The following NLRP9 variants were observed in gnomAD, a reference collection of about 807,000 sequenced individuals.
NLRP9 encodes the protein NACHT, LRR and PYD domains-containing protein 9.
NLRP9 carries 88 observed loss-of-function variants against 83.1 expected under a neutral mutation model. The observed-to-expected ratio is 1.06, with a 90% confidence interval of 0.89 to 1.26. The LOEUF is 1.26. NLRP9 is among the 50% of genes most tolerant of loss of function. NLRP9 has a pLI of 0.00. For missense variants in NLRP9, 1,308 were observed against 1,179.3 expected (o/e 1.11, Z -1.60); for synonymous variants, 521 against 447.6 (o/e 1.16, Z -2.07).
At chr19:55,726,396 T>C (rs534892919) in intron 3 of NLRP9, among the ~76,000 whole-genome samples, 1 of 152,272 alleles carries the variant, frequency 6.6e-6, no homozygotes, top group South Asian at 2.1e-4. Flanking sequence ...CATAAAATGA[T>C]AAAAAATGCA....
rs572480586 is a variant in NLRP9, at chr19:55,735,911, C to A, written c.280+2184G>T. Among the ~76,000 whole-genome samples, 125 of 152,094 alleles carry A rather than the reference C, an allele frequency of 8.2e-4. 1 individual carries two copies. Among genetic ancestry groups the A allele is most frequent in the African/African-American group, 2.7e-3 (112 of 41,536 alleles). On this transcript the variant is annotated intron_variant, in intron 1 of 8. Transcript: ENST00000332836. ...CCATGTTGGCCAGGCTGGTCTCGAA[C>A]TCCTGACCTTAGGTGATCCGCCCAC...
In NLRP9 at chr19:55,738,156, C is replaced by A; in HGVS notation, c.219G>T (p.Leu73=). ...TCCTATTGATCTGTAGAAACAGGTT[C>A]AGTGTTACCTCCCATGCCTGCTTTC... ...YPGKQAWEVT[L]NLFLQINRKD... is the part of the protein sequence containing the mutation. The change falls in exon 1 of 9, where the codon CTG becomes CTT. Residue 73 remains leucine, a synonymous_variant. Transcript: ENST00000332836. 15 of 1,614,130 alleles carry A rather than the reference C, an allele frequency of 9.3e-6. No individual in the cohort carries two copies. The highest frequency in any genetic ancestry group is 1.2e-5 in the Non-Finnish European group (14 of 1,179,998).
intron 1 of NLRP9, among the ~76,000 whole-genome samples, chr19:55,734,792 G>A (rs139633746): frequency 0.017 from 2,548 of 151,760 alleles, 58 homozygotes; most frequent in East Asian, 0.15. Flanking sequence ...CTGCCACCAC[G>A]CCCAGCTAAT....
At chr19:55,717,029 T>G in intron 4 of NLRP9, 131 bp from the exon 5 acceptor site, 1 of 601,084 alleles carries the variant, frequency 1.7e-6, no homozygotes, top group Non-Finnish European at 2.8e-6. Flanking sequence ...TACAGACTCT[T>G]TTTCTTTTTT....
chr19:55,712,303 A>ATCGT lies in NLRP9; in HGVS notation c.2672+113_2672+116dup. ...CCTGGGGCAGCATTTTACATATCAG[A>ATCGT]TCGTCCCAGAGGGACTTGCTTTTAA... On this transcript the variant is annotated intron_variant, in intron 7 of 8. Coordinates refer to ENST00000332836, the MANE Select transcript of NLRP9 (RefSeq NM_176820.4). 4.7e-6 allele frequency: 4 copies of ATCGT among 845,180 alleles called. No homozygotes were observed. In the South Asian group the frequency reaches 6.8e-5, roughly 14 times the overall value. The allele number at this position is 845,180 out of a possible 1,614,324, so 52.4% of individuals were successfully genotyped here. A position where few individuals can be genotyped will look rare whatever the true frequency, so the allele number is the denominator to read the frequency against.
Position 55,733,501 on chromosome 19 carries a change from T to C in NLRP9, c.330A>G (p.Ile110Met), listed in dbSNP as rs1288136962. 2 of 1,610,924 alleles carry C rather than the reference T, an allele frequency of 1.2e-6. No individual in the cohort carries two copies. Among genetic ancestry groups the C allele is most frequent in the East Asian group, 4.5e-5 (2 of 44,890 alleles). ...CGTGAAGACAGGTTTCCTTCTCCCA[T>C]ATGAGTTGAAATGTTTCCTTCATAT... ...RKHMKETFQL[I>M]WEKETCLHVP... Residue 110 changes from isoleucine to methionine, a missense_variant, in exon 2 of 9, where the codon ATA becomes ATG. Ile to Met is a conservative substitution (Grantham distance 10). Transcript: ENST00000332836.
At chr19:55,727,562 C>A (rs967141481) in intron 3 of NLRP9, among the ~76,000 whole-genome samples, 1 of 152,188 alleles carries the variant, frequency 6.6e-6, no homozygotes, top group Non-Finnish European at 1.5e-5. Context: ...AATTCAGATA[C>A]TGCTTATGCG....
In NLRP9 at chr19:55,731,819, A is replaced by G. The variant is rs189310341; in HGVS notation, c.1832+180T>C. Among the ~76,000 whole-genome samples, 6 of 152,294 alleles carry G rather than the reference A, an allele frequency of 3.9e-5. No homozygotes were observed. The East Asian group carries it at 9.6e-4, about 24-fold the overall frequency. ...TTTTATTTCTCTTTATACAATGGAA[A>G]AAGTTCAAGAAGTTGCAGCTCATGA... On this transcript the variant is annotated intron_variant, in intron 2 of 8. Coordinates refer to ENST00000332836, the MANE Select transcript of NLRP9 (RefSeq NM_176820.4).
At chr19:55,736,408 T>C (rs1988786749) in intron 1 of NLRP9, among the ~76,000 whole-genome samples, 1 of 150,878 alleles carries the variant, frequency 6.6e-6, no homozygotes, top group Admixed American at 6.6e-5. Context: ...AAAAAAGTCA[T>C]GTCATGTCTT....
intron 6 of NLRP9, among the ~76,000 whole-genome samples, chr19:55,714,025 C>T (rs1042236948): frequency 2.0e-5 from 3 of 148,768 alleles, no homozygotes; most frequent in Non-Finnish European, 4.5e-5. Flanking sequence ...ATCTAGGATG[C>T]AGACACATCC....
intron 4 of NLRP9, among the ~76,000 whole-genome samples, chr19:55,720,063 CA>C (rs1471325049): frequency 1.3e-5 from 2 of 152,126 alleles, no homozygotes; most frequent in Non-Finnish European, 2.9e-5. Context: ...AAAAAATCTA[CA>C]AAAATAAAAT....
rs1416150290 is a variant in NLRP9, at chr19:55,738,117, T to C, written c.258A>G (p.Thr86=). ...FLQINRKDLW[T]KAQEEMRNKL... ...TACTTCTCATCTCTTCCTGAGCCTT[T>C]GTCCAGAGATCTTTCCTATTGATCT... is the stretch of plus-strand genomic sequence containing the variant. Residue 86 remains threonine (T), a synonymous_variant, in exon 1 of 9, where the codon ACA becomes ACG. Transcript: ENST00000332836. The C allele has an allele frequency of 6.2e-7, 1 of 1,614,086 alleles. No homozygotes were observed. Among genetic ancestry groups the C allele is most frequent in the Admixed American group, 1.7e-5 (1 of 60,000 alleles).
intron 1 of NLRP9, among the ~76,000 whole-genome samples, chr19:55,734,637 ATTTT>A (rs201490500): frequency 0.031 from 3,274 of 106,954 alleles, 76 homozygotes; most frequent in African/African-American, 0.067. Flanking sequence ...ATATATATAT[ATTTT>A]TTTTTTTTTT....
In NLRP9 at chr19:55,732,709, A is replaced by G; in HGVS notation, c.1122T>C (p.Thr374=). Residue 374 remains threonine (T), a synonymous_variant, in exon 2 of 9, where the codon ACT becomes ACC. Coordinates refer to ENST00000332836, the MANE Select transcript of NLRP9 (RefSeq NM_176820.4). The part of the protein sequence containing the change: ...TTYLYASFLT[T]VFKAGSQSFP... ...AACTCTGACTTCCTGCTTTGAATAC[A>G]GTTGTTAAAAAGGATGCATATAAAT... 6.2e-7 allele frequency: 1 copy of G among 1,614,156 alleles called. No individual in the cohort carries two copies. Among genetic ancestry groups the G allele is most frequent in the South Asian group, 1.1e-5 (1 of 91,080 alleles).
chr19:55,717,070 G>A (rs1044436822), intron 4 of NLRP9, among the ~76,000 whole-genome samples, 172 bp from the exon 5 acceptor site: 1 of 126,380 alleles, frequency 7.9e-6, no homozygotes, highest in African/African-American at 3.1e-5. Flanking sequence ...ATCTCACTCT[G>A]TTGCCCAGGC....
At chr19:55,737,102 C>T (rs558175237) in intron 1 of NLRP9, among the ~76,000 whole-genome samples, 2 of 152,004 alleles carry the variant, frequency 1.3e-5, no homozygotes, top group Admixed American at 6.6e-5. Flanking sequence ...TCCTAAGTAT[C>T]CCCCGAGAGG....
Position 55,732,055 on chromosome 19 carries a change from CG to C in NLRP9, c.1775del (p.Thr592ArgfsTer44), listed in dbSNP as rs1568603286. On this transcript the variant is annotated frameshift_variant, in exon 2 of 9. Coordinates refer to ENST00000332836, the MANE Select transcript of NLRP9 (RefSeq NM_176820.4). LOFTEE classifies it high-confidence loss of function. ...TATTCTCCACACACATGCGAAGTGT[CG>C]TTAAATGTTGACAATGCTTCAGGCA... ...SFCLKHCQHL[T>X]TLRMCVENIF... The C allele has an allele frequency of 4.4e-6, 7 of 1,604,238 alleles. No homozygotes were observed. Among genetic ancestry groups the C allele is most frequent in the Middle Eastern group, 1.7e-4 (1 of 5,976 alleles).
chr19:55,735,015 A>C (rs1263958811), intron 1 of NLRP9, among the ~76,000 whole-genome samples: 1 of 152,150 alleles, frequency 6.6e-6, no homozygotes, highest in Admixed American at 6.5e-5. Flanking sequence ...TCCTGTTCAT[A>C]ATCTGAGTTT....
At chr19:55,712,111 C>T in intron 7 of NLRP9, 141 bp from the exon 8 acceptor site, 1 of 830,808 alleles carries the variant, frequency 1.2e-6, no homozygotes, top group East Asian at 2.6e-5. Flanking sequence ...GACGATTGTG[C>T]TCCTGGGGGA....
Sources: allele counts gnomAD v4.1 joint callset (sites outside exome capture counted in the v4.1 genomes callset), GRCh38; gene constraint gnomAD v4.1.1; transcripts MANE v1.5; gene names NCBI Gene and HGNC (gene_info 2026-07-23, HGNC 2026-07-21).